The following EDIL3 variants were observed in gnomAD, a reference collection of about 807,000 sequenced individuals.
The protein encoded by EDIL3 is EGF like and discoidin domains 3, also known as EGF-like repeat and discoidin I-like domain-containing protein 3.
EDIL3 carries 37 observed loss-of-function variants against 67.4 expected under a neutral mutation model. The observed-to-expected ratio is 0.55, with a 90% CI of 0.42 to 0.72. EDIL3 has a LOEUF of 0.72. Ranked by LOEUF, EDIL3 falls within the 30% of genes least tolerant of loss-of-function variation. The pLI, the probability that EDIL3 is intolerant of heterozygous loss-of-function variation, is 0.00. For missense variants in EDIL3, 527 were observed against 586.3 expected (o/e 0.90, Z 1.04); for synonymous variants, 195 against 196.3 (o/e 0.99, Z 0.05).
intron 9 of EDIL3, among the ~76,000 whole-genome samples, chr5:83,980,043 C>T (rs1744942828): frequency 6.6e-6 from 1 of 152,078 alleles, no homozygotes; most frequent in Non-Finnish European, 1.5e-5. Flanking sequence ...CTCACTGTAA[C>T]CAATAACATC....
At chr5:84,312,503 C>A (rs1451462621) in intron 1 of EDIL3, among the ~76,000 whole-genome samples, 8 of 122,008 alleles carry the variant, frequency 6.6e-5, no homozygotes, top group African/African-American at 2.6e-4. Flanking sequence ...GCTGGCCGGG[C>A]AGGGGGCTGA....
intron 4 of EDIL3, among the ~76,000 whole-genome samples, chr5:84,152,373 C>T (rs1748411304): frequency 6.6e-6 from 1 of 152,048 alleles, no homozygotes; most frequent in Non-Finnish European, 1.5e-5. Flanking sequence ...AAAAGGAAGC[C>T]TTCAAGACAA....
At chr5:84,212,500 C>T (rs1295481157) in intron 3 of EDIL3, among the ~76,000 whole-genome samples, 1 of 152,200 alleles carries the variant, frequency 6.6e-6, no homozygotes, top group East Asian at 1.9e-4. Context: ...TCTGGGATCT[C>T]ACAGAGAATG....
intron 1 of EDIL3, among the ~76,000 whole-genome samples, chr5:84,374,256 A>G (rs2112216296): frequency 6.6e-6 from 1 of 152,176 alleles, no homozygotes; most frequent in Non-Finnish European, 1.5e-5. Context: ...GTAAAGTAGT[A>G]CAGAAGAAAG....
intron 9 of EDIL3, among the ~76,000 whole-genome samples, chr5:84,005,524 C>T (rs565305704): frequency 6.6e-6 from 1 of 152,050 alleles, no homozygotes; most frequent in Non-Finnish European, 1.5e-5. Flanking sequence ...GTTCAACATA[C>T]ACATATCAAT....
chr5:84,001,493 A>C (rs1745330800), intron 9 of EDIL3, among the ~76,000 whole-genome samples: 1 of 152,112 alleles, frequency 6.6e-6, no homozygotes, highest in African/African-American at 2.4e-5. Context: ...AAATCAATGA[A>C]ACAAAAAGCT....
intron 1 of EDIL3, among the ~76,000 whole-genome samples, chr5:84,315,947 G>A (rs942631459): frequency 2.0e-5 from 3 of 152,102 alleles, no homozygotes; most frequent in Admixed American, 2.0e-4. Flanking sequence ...GAGAGTGGGG[G>A]CCAATATTCA....
At chr5:84,091,512 CA>C (rs1747165720) in intron 6 of EDIL3, among the ~76,000 whole-genome samples, 1 of 152,196 alleles carries the variant, frequency 6.6e-6, no homozygotes, top group African/African-American at 2.4e-5. Flanking sequence ...ATAGCCTCTT[CA>C]AAAAAGTAAA....
intron 9 of EDIL3, among the ~76,000 whole-genome samples, chr5:84,017,108 A>G (rs776123350): frequency 3.9e-5 from 6 of 152,216 alleles, no homozygotes; most frequent in East Asian, 1.9e-4. Context: ...ATGAAGATCA[A>G]TGCAGAAAGT....
intron 1 of EDIL3, among the ~76,000 whole-genome samples, chr5:84,274,741 A>T (rs1745539055): frequency 6.6e-6 from 1 of 151,196 alleles, no homozygotes; most frequent in Non-Finnish European, 1.5e-5. Context: ...AACTACACAC[A>T]TACACACACA....
chr5:84,083,278 A>T (rs1747010542), intron 6 of EDIL3, among the ~76,000 whole-genome samples: 1 of 152,136 alleles, frequency 6.6e-6, no homozygotes, highest in Non-Finnish European at 1.5e-5. Flanking sequence ...GGGACTTCTT[A>T]GGGATAACGG....
At chr5:84,289,525 T>G (rs1745874395) in intron 1 of EDIL3, among the ~76,000 whole-genome samples, 1 of 152,134 alleles carries the variant, frequency 6.6e-6, no homozygotes, top group Non-Finnish European at 1.5e-5. Flanking sequence ...TTATGACTCC[T>G]TCAGTCACTT....
chr5:84,309,737 C>T (rs557870358), intron 1 of EDIL3, among the ~76,000 whole-genome samples: 6 of 152,174 alleles, frequency 3.9e-5, no homozygotes, highest in African/African-American at 7.2e-5. Flanking sequence ...TTAATCCAGT[C>T]GATCATTGTT....
intron 9 of EDIL3, among the ~76,000 whole-genome samples, chr5:84,043,402 T>C (rs923818050): frequency 6.6e-6 from 1 of 152,190 alleles, no homozygotes; most frequent in African/African-American, 2.4e-5. Context: ...TACACAGATA[T>C]GAACAAAAAA....
At chr5:84,070,606 A>AGTGTGTGTGTGTGTGTGT (rs35930293) in intron 6 of EDIL3, among the ~76,000 whole-genome samples, 2 of 144,738 alleles carry the variant, frequency 1.4e-5, no homozygotes, top group East Asian at 2.0e-4. Context: ...TATGGTTAAG[A>AGTGTGTGTGTGTGTGTGT]GTGTGTGTGT....
At chr5:84,371,258 G>C (rs1047981103) in intron 1 of EDIL3, among the ~76,000 whole-genome samples, 3 of 147,340 alleles carry the variant, frequency 2.0e-5, no homozygotes, top group African/African-American at 7.4e-5. Flanking sequence ...AGTTTAAGCT[G>C]AGGGATGAGT....
intron 1 of EDIL3, among the ~76,000 whole-genome samples, chr5:84,351,984 C>T (rs572989779): frequency 7.8e-4 from 118 of 151,932 alleles, no homozygotes; most frequent in Non-Finnish European, 1.5e-3. Context: ...AGGACATGAA[C>T]AGGCATATCT....
intron 1 of EDIL3, among the ~76,000 whole-genome samples, chr5:84,314,807 C>T (rs1746477013): frequency 6.6e-6 from 1 of 152,040 alleles, no homozygotes; most frequent in African/African-American, 2.4e-5. Context: ...AATATGTATG[C>T]TTATTCAATT....
At chr5:84,289,372 C>G (rs1229019460) in intron 1 of EDIL3, among the ~76,000 whole-genome samples, 1 of 152,158 alleles carries the variant, frequency 6.6e-6, no homozygotes, top group South Asian at 2.1e-4. Flanking sequence ...ATATACTGTG[C>G]CTTCTTCCCA....
Sources: allele counts gnomAD v4.1 joint callset (sites outside exome capture counted in the v4.1 genomes callset), GRCh38; gene constraint gnomAD v4.1.1; transcripts MANE v1.5; gene names NCBI Gene and HGNC (gene_info 2026-07-23, HGNC 2026-07-21).